The following AFG2A variants were observed in gnomAD, a reference collection of about 807,000 sequenced individuals.
AFG2A encodes the protein ATPase family gene 2 protein homolog A.
chr4:123,230,444 G>A, the AFG2A span, among the ~76,000 whole-genome samples: 1 of 151,744 alleles, frequency 6.6e-6, no homozygotes, highest in Non-Finnish European at 1.5e-5. Flanking sequence ...ATAATTTCAG[G>A]CTCCACTTCT....
At chr4:123,115,050 TGTTG>T in the AFG2A span, among the ~76,000 whole-genome samples, 1 of 152,188 alleles carries the variant, frequency 6.6e-6, no homozygotes, top group Non-Finnish European at 1.5e-5. Flanking sequence ...CACAGGAGAC[TGTTG>T]CCACTGCTGC....
chr4:123,140,231 A>G, the AFG2A span, among the ~76,000 whole-genome samples: 1 of 152,122 alleles, frequency 6.6e-6, no homozygotes, highest in Non-Finnish European at 1.5e-5. Context: ...TGAGTAAGTG[A>G]AAAAATCCAT....
chr4:123,242,360 T>C, the AFG2A span, among the ~76,000 whole-genome samples: 1 of 152,176 alleles, frequency 6.6e-6, no homozygotes, highest in African/African-American at 2.4e-5. Flanking sequence ...CTTCAAAGTA[T>C]ACTACAAGGC....
At chr4:123,258,868 T>C in the AFG2A span, among the ~76,000 whole-genome samples, 1 of 145,842 alleles carries the variant, frequency 6.9e-6, no homozygotes, top group African/African-American at 2.5e-5. Flanking sequence ...CTTTTTTTTT[T>C]TTTTTTTTTT....
the AFG2A span, among the ~76,000 whole-genome samples, chr4:122,941,711 C>T: frequency 6.6e-6 from 1 of 151,736 alleles, no homozygotes; most frequent in African/African-American, 2.4e-5. Flanking sequence ...TGTCTTGTGC[C>T]AGTTTTCAAA....
the AFG2A span, among the ~76,000 whole-genome samples, chr4:123,260,739 A>T: frequency 6.6e-6 from 1 of 152,234 alleles, no homozygotes; most frequent in Non-Finnish European, 1.5e-5. Flanking sequence ...ATTCTAAGGA[A>T]GGACCATTTG....
the AFG2A span, among the ~76,000 whole-genome samples, chr4:123,248,455 C>T: frequency 6.6e-6 from 1 of 152,114 alleles, no homozygotes; most frequent in Non-Finnish European, 1.5e-5. Context: ...CAGCTAAAGT[C>T]AAAGATACAG....
the AFG2A span, among the ~76,000 whole-genome samples, chr4:122,951,433 T>TACACACACACACAC: frequency 4.2e-3 from 630 of 148,590 alleles, 9 homozygotes; most frequent in African/African-American, 0.014. Context: ...TTTTCCAAAG[T>TACACACACACACAC]ACACACACAC....
the AFG2A span, among the ~76,000 whole-genome samples, chr4:123,305,725 G>A: frequency 6.6e-6 from 1 of 152,132 alleles, no homozygotes; most frequent in Admixed American, 6.6e-5. Flanking sequence ...TGCTTGCTTA[G>A]AAACCATGTT....
chr4:122,954,891 T>G, the AFG2A span, among the ~76,000 whole-genome samples: 1 of 152,212 alleles, frequency 6.6e-6, no homozygotes, highest in Non-Finnish European at 1.5e-5. Context: ...ACTCATACAT[T>G]GGGTCCCATC....
chr4:123,007,519 T>C, the AFG2A span, among the ~76,000 whole-genome samples: 3 of 148,356 alleles, frequency 2.0e-5, no homozygotes, highest in Non-Finnish European at 3.0e-5. Flanking sequence ...CCTATTAAAT[T>C]CTCCATGCCT....
the AFG2A span, among the ~76,000 whole-genome samples, chr4:123,143,289 A>T: frequency 6.6e-6 from 1 of 152,022 alleles, no homozygotes; most frequent in Non-Finnish European, 1.5e-5. Context: ...TTCTAATGTT[A>T]AAAAATGTAA....
chr4:123,006,570 C>A, the AFG2A span, among the ~76,000 whole-genome samples: 2 of 152,048 alleles, frequency 1.3e-5, no homozygotes, highest in African/African-American at 2.4e-5. Flanking sequence ...TTTTGGTAAT[C>A]TCTATCTAGT....
the AFG2A span, among the ~76,000 whole-genome samples, chr4:123,216,944 C>T: frequency 6.6e-6 from 1 of 152,088 alleles, no homozygotes; most frequent in Non-Finnish European, 1.5e-5. Flanking sequence ...TGCTGGGATA[C>T]AGGTATGAGC....
chr4:123,056,556 G>C, the AFG2A span: 1 of 694,318 alleles, frequency 1.4e-6, no homozygotes, highest in Non-Finnish European at 2.1e-6. Flanking sequence ...AGATCTTAGT[G>C]GTATTTTTTT....
chr4:123,282,389 C>T, the AFG2A span, among the ~76,000 whole-genome samples: 1 of 152,130 alleles, frequency 6.6e-6, no homozygotes. Context: ...CTAGTGGATA[C>T]AGTATGCTCT....
At chr4:122,991,195 G>T in the AFG2A span, among the ~76,000 whole-genome samples, 1 of 152,164 alleles carries the variant, frequency 6.6e-6, no homozygotes, top group East Asian at 1.9e-4. Context: ...TATGATAAAA[G>T]AAATGGAATC....
the AFG2A span, among the ~76,000 whole-genome samples, chr4:122,979,939 C>A: frequency 3.3e-5 from 5 of 152,126 alleles, no homozygotes; most frequent in Non-Finnish European, 5.9e-5. Flanking sequence ...TATTACAATA[C>A]TAAAACCAGG....
At chr4:123,296,977 TC>T in the AFG2A span, among the ~76,000 whole-genome samples, 3 of 152,172 alleles carry the variant, frequency 2.0e-5, no homozygotes, top group African/African-American at 7.2e-5. Flanking sequence ...ACCTCATTCT[TC>T]CCCTCCAACA....
Sources: allele counts gnomAD v4.1 joint callset (sites outside exome capture counted in the v4.1 genomes callset), GRCh38; gene constraint gnomAD v4.1.1; transcripts MANE v1.5; gene names NCBI Gene and HGNC (gene_info 2026-07-23, HGNC 2026-07-21).